The following RGS7 variants were observed in gnomAD, a reference collection of about 807,000 sequenced individuals.
RGS7 encodes the protein regulator of G protein signaling 7, also known as regulator of G-protein signaling 7.
In RGS7, 27 loss-of-function variants were observed where a neutral mutation model predicts 81.1. The observed-to-expected ratio is 0.33, with a 90% CI of 0.25 to 0.46. RGS7 has a LOEUF of 0.46. Among genes scored for constraint, RGS7 ranks in the 20% least tolerant of loss-of-function variants. The pLI is 1.00. For synonymous variants in RGS7, 208 were observed against 207.7 expected (o/e 1.00, Z -0.01); for missense variants, 396 against 607.4 (o/e 0.65, Z 3.66).
intron 4 of RGS7, among the ~76,000 whole-genome samples, chr1:240,946,799 T>C (rs1381915620): frequency 6.6e-6 from 1 of 152,142 alleles, no homozygotes; most frequent in Non-Finnish European, 1.5e-5. Flanking sequence ...GTTTTGGTGC[T>C]CTATTACACA....
chr1:241,325,582 GGAAAGGA>G (rs2081444759), intron 2 of RGS7, among the ~76,000 whole-genome samples: 1 of 152,144 alleles, frequency 6.6e-6, no homozygotes, highest in Admixed American at 6.5e-5. Context: ...ACTTTCACTA[GGAAAGGA>G]GAAACGTGTC....
At chr1:241,265,971 T>G (rs1172818225) in intron 2 of RGS7, among the ~76,000 whole-genome samples, 1 of 152,020 alleles carries the variant, frequency 6.6e-6, no homozygotes, top group Non-Finnish European at 1.5e-5. Flanking sequence ...ATTTTGTATT[T>G]TTAGTAGAGA....
At chr1:241,053,560 A>G (rs1185981037) in intron 3 of RGS7, among the ~76,000 whole-genome samples, 1 of 152,256 alleles carries the variant, frequency 6.6e-6, no homozygotes, top group African/African-American at 2.4e-5. Context: ...GATGGCAAAT[A>G]TATTTAAATG....
At chr1:241,024,755 G>A (rs759593372) in intron 3 of RGS7, among the ~76,000 whole-genome samples, 3 of 152,140 alleles carry the variant, frequency 2.0e-5, no homozygotes, top group Non-Finnish European at 2.9e-5. Flanking sequence ...AGACACTGCA[G>A]ATCATTGATT....
chr1:241,061,216 T>C (rs569870672), intron 3 of RGS7, among the ~76,000 whole-genome samples: 95 of 152,330 alleles, frequency 6.2e-4, no homozygotes, highest in South Asian at 1.5e-3. Flanking sequence ...ATTATAATGA[T>C]GAATGAGTCA....
intron 2 of RGS7, among the ~76,000 whole-genome samples, chr1:241,290,557 T>A (rs973684591): frequency 2.0e-5 from 3 of 152,222 alleles, no homozygotes; most frequent in African/African-American, 7.2e-5. Context: ...TTAGGTTGCT[T>A]CTTGATTAAA....
rs58217460 is a variant in RGS7, at chr1:241,071,874, C to CAA, written c.175+26790_175+26791dup. On this transcript the variant is annotated intron_variant, in intron 3 of 18. Coordinates refer to ENST00000440928, the MANE Select transcript of RGS7 (RefSeq NM_001364886.1). ...GACAGATGACAGAGTGAGACCCTGTCAAAAAAAAAAAAAAAAAAAAACAAG... is the reference window on the plus strand; with the variant it reads ...GACAGATGACAGAGTGAGACCCTGTCAAAAAAAAAAAAAAAAAAAAAAACAAG... 9.0e-4 allele frequency among the ~76,000 whole-genome samples: 51 copies of CAA among 56,840 alleles called. 8 individuals carry two copies. Among genetic ancestry groups the CAA allele is most frequent in the African/African-American group, 3.5e-3 (40 of 11,524 alleles). The allele number at this position is 56,840 out of a possible 152,430, so 37.3% of individuals were successfully genotyped here. A position where few individuals can be genotyped will look rare whatever the true frequency, so the allele number is the denominator to read the frequency against.
chr1:240,872,788 T>G (rs181118741), intron 6 of RGS7, among the ~76,000 whole-genome samples: 28 of 152,266 alleles, frequency 1.8e-4, no homozygotes, highest in African/African-American at 5.1e-4. Flanking sequence ...TAGTCAAAAC[T>G]ACAGCTCAGG....
intron 2 of RGS7, among the ~76,000 whole-genome samples, chr1:241,198,935 T>C (rs1318434984): frequency 6.6e-6 from 1 of 152,102 alleles, no homozygotes; most frequent in Non-Finnish European, 1.5e-5. Flanking sequence ...TATTACAAAT[T>C]TGTGCTAACC....
Position 240,943,924 on chromosome 1 carries a change from G to A in RGS7, c.227-7218C>T, listed in dbSNP as rs575087586. ...TCAGAATGGGAGATGAATTCTTAGGGAAGCATAATATTTGCCTAGGACTAA... is the reference window on the plus strand; with the variant it reads ...TCAGAATGGGAGATGAATTCTTAGGAAAGCATAATATTTGCCTAGGACTAA... On this transcript the variant is annotated intron_variant, in intron 4 of 18. Coordinates refer to ENST00000440928, the MANE Select transcript of RGS7 (RefSeq NM_001364886.1). Among the ~76,000 whole-genome samples, 10 of 151,972 alleles carry A rather than the reference G, an allele frequency of 6.6e-5. No individual in the cohort carries two copies. The South Asian group carries it at 2.1e-3, about 32-fold the overall frequency.
At chr1:240,919,257 G>A (rs1414720637) in intron 6 of RGS7, among the ~76,000 whole-genome samples, 1 of 151,838 alleles carries the variant, frequency 6.6e-6, no homozygotes, top group Non-Finnish European at 1.5e-5. Context: ...TAATACCAAA[G>A]TCATTAAAAA....
intron 2 of RGS7, chr1:241,132,450 A>T (rs1005097754): frequency 1.3e-5 from 2 of 153,382 alleles, no homozygotes; most frequent in African/African-American, 4.8e-5. Context: ...CATGCAGTTT[A>T]CAGGCTATAT....
At chr1:240,948,374 T>C (rs776944503) in intron 4 of RGS7, among the ~76,000 whole-genome samples, 18 of 152,190 alleles carry the variant, frequency 1.2e-4, no homozygotes, top group Non-Finnish European at 2.5e-4. Context: ...TTACATTAGT[T>C]CATAGCACAA....
chr1:240,889,040 C>T (rs1462278621), intron 6 of RGS7, among the ~76,000 whole-genome samples: 1 of 152,178 alleles, frequency 6.6e-6, no homozygotes, highest in African/African-American at 2.4e-5. Context: ...ACTGCAACCT[C>T]CACCTCCCGG....
intron 2 of RGS7, among the ~76,000 whole-genome samples, chr1:241,138,177 C>CAAAAAAA (rs57697166): frequency 8.7e-6 from 1 of 115,410 alleles, no homozygotes; most frequent in Admixed American, 8.7e-5. Context: ...ATCTCAAAAA[C>CAAAAAAA]AAAAAAAAAA....
Position 240,920,153 on chromosome 1 carries a change from C to T in RGS7, c.385+10564G>A, listed in dbSNP as rs1426924884. On this transcript the variant is annotated intron_variant, in intron 6 of 18. Transcript: ENST00000440928. ...ATAAGACGGTCATTCAGAAATACCA[C>T]ACTGTGAATGGCCACAACTGTGAAG... The T allele has an allele frequency of 2.4e-5, 23 of 959,826 alleles. 1 individual carries two copies. The Admixed American group carries it at 3.7e-4, about 16-fold the overall frequency. The allele number at this position is 959,826 out of a possible 1,614,324, so 59.5% of individuals were successfully genotyped here.
chr1:240,911,829 A>G (rs1158952402), intron 6 of RGS7, among the ~76,000 whole-genome samples: 3 of 152,058 alleles, frequency 2.0e-5, no homozygotes, highest in East Asian at 3.9e-4. Flanking sequence ...TCACTTGTAG[A>G]GTATGGCTTA....
chr1:241,096,694 C>A (rs1402540472), intron 3 of RGS7, among the ~76,000 whole-genome samples: 1 of 152,154 alleles, frequency 6.6e-6, no homozygotes, highest in African/African-American at 2.4e-5. Flanking sequence ...AAGAATTCTT[C>A]CAACAGCTTG....
intron 4 of RGS7, among the ~76,000 whole-genome samples, chr1:240,951,990 T>C (rs907515997): frequency 6.6e-5 from 10 of 152,000 alleles, no homozygotes; most frequent in African/African-American, 2.4e-4. Context: ...ATATGTAAAG[T>C]GTTGAAGGAA....
Sources: gnomAD v4.1 joint callset for allele counts (sites outside exome capture counted in the v4.1 genomes callset) on GRCh38, gnomAD v4.1.1 for gene constraint, MANE v1.5 for transcripts, NCBI Gene and HGNC (gene_info 2026-07-23, HGNC 2026-07-21) for gene names.